Variants in NFASC observed in about 807,000 individuals in gnomAD.
The protein encoded by NFASC is neurofascin.
A neutral mutation model predicts 147.5 loss-of-function variants in NFASC; 43 were observed. The ratio of observed to expected loss-of-function variants is 0.29; its 90% CI spans 0.23 to 0.38. NFASC has a LOEUF of 0.38. Among genes scored for constraint, NFASC ranks in the 10% least tolerant of loss-of-function variants. The pLI is 1.00. For missense variants in NFASC, 1,320 were observed against 1,689.0 expected (o/e 0.78, Z 3.83); for synonymous variants, 622 against 665.5 (o/e 0.93, Z 1.01).
rs60166382 is a variant in NFASC, at chr1:204,939,038, A to ATGTGTGTGTGTG, written c.-90-5150_-90-5139dup. On this transcript the variant is annotated intron_variant, in intron 2 of 29. Coordinates refer to ENST00000339876, the MANE Select transcript of NFASC (RefSeq NM_001005388.3). ...TTCTCTTTTCTTCCTGTATGGATGG[A>ATGTGTGTGTGTG]TGTGTGTGTGTGTGTGTGTGTGTGT... is the stretch of plus-strand genomic sequence containing the variant. 7.3e-3 allele frequency among the ~76,000 whole-genome samples: 900 copies of ATGTGTGTGTGTG among 123,698 alleles called. 8 individuals are homozygous for ATGTGTGTGTGTG. Among genetic ancestry groups the ATGTGTGTGTGTG allele is most frequent in the Non-Finnish European group, 8.7e-3 (508 of 58,418 alleles). 81.2% of individuals were successfully genotyped at this position (123,698 alleles called of 152,430 possible). A position where few individuals can be genotyped will look rare whatever the true frequency, so the allele number is the denominator to read the frequency against.
At chr1:204,894,441 A>G (rs2083007553) in intron 1 of NFASC, among the ~76,000 whole-genome samples, 1 of 152,228 alleles carries the variant, frequency 6.6e-6, no homozygotes, top group Non-Finnish European at 1.5e-5. Flanking sequence ...ATTCAATTCA[A>G]CATTTATTGA....
At chr1:204,918,493 A>G (rs954014938) in intron 1 of NFASC, among the ~76,000 whole-genome samples, 1 of 151,874 alleles carries the variant, frequency 6.6e-6, no homozygotes, top group Non-Finnish European at 1.5e-5. Flanking sequence ...TCAAATTACA[A>G]TTGTTTTAAT....
intron 1 of NFASC, among the ~76,000 whole-genome samples, chr1:204,909,823 A>G (rs2086914328): frequency 6.6e-6 from 1 of 151,548 alleles, no homozygotes. Flanking sequence ...TTTCAGCATC[A>G]TTTGTCGAAA....
chr1:204,899,209 C>A (rs928739870), intron 1 of NFASC, among the ~76,000 whole-genome samples: 4 of 152,260 alleles, frequency 2.6e-5, no homozygotes, highest in Admixed American at 2.0e-4. Context: ...GGCTTTGGAA[C>A]ATGACAATCT....
At chr1:204,972,790 C>T (rs559495562) in intron 11 of NFASC, among the ~76,000 whole-genome samples, 2 of 152,274 alleles carry the variant, frequency 1.3e-5, no homozygotes, top group Admixed American at 6.5e-5. Flanking sequence ...TATGCACATT[C>T]GATTAAAATG....
intron 8 of NFASC, among the ~76,000 whole-genome samples, chr1:204,960,345 G>A (rs2094605348): frequency 6.6e-6 from 1 of 152,206 alleles, no homozygotes; most frequent in Admixed American, 6.5e-5. Flanking sequence ...TCAAAGATAA[G>A]CAGTGGAGTT....
chr1:204,945,441 C>T (rs1215247123), intron 3 of NFASC, among the ~76,000 whole-genome samples: 1 of 152,226 alleles, frequency 6.6e-6, no homozygotes, highest in Admixed American at 6.5e-5. Context: ...GACCCCTGGT[C>T]CTGGAGTTAC....
intron 23 of NFASC, 129 bp downstream of exon 23, chr1:204,988,935 G>A (rs1035570123): frequency 6.1e-5 from 51 of 842,362 alleles, no homozygotes; most frequent in African/African-American, 4.0e-4. Flanking sequence ...TCAAGCCCTC[G>A]GAAGGTGAGA....
chr1:204,900,639 T>A (rs575062144), intron 1 of NFASC, among the ~76,000 whole-genome samples: 1 of 152,236 alleles, frequency 6.6e-6, no homozygotes, highest in Admixed American at 6.5e-5. Flanking sequence ...TGCTAAGTGC[T>A]AGTGAGGTAT....
At chr1:204,833,495 C>T (rs1192293574) in intron 1 of NFASC, among the ~76,000 whole-genome samples, 1 of 69,310 alleles carries the variant, frequency 1.4e-5, no homozygotes, top group African/African-American at 5.7e-5. Flanking sequence ...AAATAAAAAG[C>T]TAGGATGTTT....
intron 1 of NFASC, among the ~76,000 whole-genome samples, chr1:204,867,502 A>G (rs1454468893): frequency 1.3e-5 from 2 of 151,708 alleles, no homozygotes; most frequent in African/African-American, 2.4e-5. Flanking sequence ...CTGAATACCT[A>G]TAGACACATG....
chr1:204,944,932 G>A (rs1440939868), intron 3 of NFASC: 1 of 152,688 alleles, frequency 6.5e-6, no homozygotes, highest in East Asian at 1.9e-4. Flanking sequence ...GGCTAAATGA[G>A]ACATTAAAAT....
chr1:204,851,421 C>T (rs1016108660), intron 1 of NFASC, among the ~76,000 whole-genome samples: 7 of 152,036 alleles, frequency 4.6e-5, no homozygotes, highest in African/African-American at 1.7e-4. Context: ...CAACCTCCAC[C>T]TCCCAGGTTC....
At chr1:204,962,543 T>C (rs2094728946) in intron 8 of NFASC, among the ~76,000 whole-genome samples, 1 of 152,248 alleles carries the variant, frequency 6.6e-6, no homozygotes, top group South Asian at 2.1e-4. Flanking sequence ...GGAAGTCTGG[T>C]TCCTATTGGT....
At chr1:204,920,299 G>A (rs189201800) in intron 1 of NFASC, among the ~76,000 whole-genome samples, 2 of 152,326 alleles carry the variant, frequency 1.3e-5, no homozygotes, top group African/African-American at 4.8e-5. Flanking sequence ...CCCTGGTGGA[G>A]GAGAGATTCT....
At position 204,975,551 on chromosome 1, in the gene NFASC, A is replaced by AG. The variant is rs2095380905; in HGVS notation, c.1706+138dup. ...GCATGTCACCAAGGAGCTTCTGCAG[A>AG]GGGGGTGATGGCCTGGGCAACTCCC... On this transcript the variant is annotated intron_variant, in intron 15 of 29. Transcript: ENST00000339876. The surrounding 1 kb of genome is among the most constrained non-coding windows in gnomAD (Gnocchi z 4.0). The AG allele has an allele frequency of 1.6e-6, 2 of 1,251,158 alleles. No homozygotes were observed. The highest frequency in any genetic ancestry group is 2.3e-6 in the Non-Finnish European group (2 of 884,432). 77.5% of individuals were successfully genotyped at this position (1,251,158 alleles called of 1,614,324 possible).
At chr1:204,999,553 T>C (rs1292231607) in intron 25 of NFASC, 1 of 152,174 alleles carries the variant, frequency 6.6e-6, no homozygotes, top group Non-Finnish European at 1.5e-5. Flanking sequence ...GAGCTGGAAT[T>C]TGGGATGGCT....
At chr1:204,858,477 G>C (rs2076362016) in intron 1 of NFASC, among the ~76,000 whole-genome samples, 1 of 152,176 alleles carries the variant, frequency 6.6e-6, no homozygotes, top group African/African-American at 2.4e-5. Context: ...AACAGGTGGA[G>C]GGGAAGAGAG....
intron 27 of NFASC, among the ~76,000 whole-genome samples, chr1:205,004,437 ATG>A (rs2096064289): frequency 1.3e-5 from 2 of 152,224 alleles, no homozygotes; most frequent in South Asian, 4.1e-4. Flanking sequence ...CTTTCCAGTG[ATG>A]AAGCACTCAG....
Sources: allele counts gnomAD v4.1 joint callset (sites outside exome capture counted in the v4.1 genomes callset), GRCh38; gene constraint gnomAD v4.1.1; non-coding constraint Gnocchi (gnomAD v3.1); transcripts MANE v1.5; gene names NCBI Gene and HGNC (gene_info 2026-07-23, HGNC 2026-07-21).